Variants in GPC5 observed in about 807,000 individuals in gnomAD.
GPC5 encodes the protein glypican 5.
A neutral mutation model predicts 53.9 loss-of-function variants in GPC5; 47 were observed. That is an observed-to-expected ratio of 0.87 (90% CI 0.69 to 1.11). The LOEUF (loss-of-function observed/expected upper bound fraction) is 1.11. Among genes scored for constraint, GPC5 ranks in the 50% most tolerant of loss-of-function variants. GPC5 has a pLI of 0.00. For missense variants in GPC5, 748 were observed against 713.1 expected (o/e 1.05, Z -0.56); for synonymous variants, 286 against 263.3 (o/e 1.09, Z -0.84).
intron 7 of GPC5, among the ~76,000 whole-genome samples, chr13:92,613,610 TTTA>T (rs202105695): frequency 0.17 from 21,312 of 125,144 alleles, 2,179 homozygotes; most frequent in Non-Finnish European, 0.22. Context: ...TTATATTTAT[TTTA>T]TTATTTTATT....
chr13:92,378,414 C>G (rs2043712003), intron 7 of GPC5, among the ~76,000 whole-genome samples: 1 of 152,180 alleles, frequency 6.6e-6, no homozygotes, highest in African/African-American at 2.4e-5. Flanking sequence ...CTTAGCTTCT[C>G]TTAACCCATT....
intron 7 of GPC5, among the ~76,000 whole-genome samples, chr13:92,178,957 C>A (rs1447443768): frequency 6.6e-6 from 1 of 151,876 alleles, no homozygotes; most frequent in Non-Finnish European, 1.5e-5. Flanking sequence ...GGTGACAGAG[C>A]GGGACCCTGT....
At chr13:91,919,570 T>C (rs2139014604) in intron 6 of GPC5, among the ~76,000 whole-genome samples, 1 of 152,322 alleles carries the variant, frequency 6.6e-6, no homozygotes, top group East Asian at 1.9e-4. Flanking sequence ...AATTCAATTA[T>C]ATTCACAGAA....
intron 7 of GPC5, among the ~76,000 whole-genome samples, chr13:92,530,357 A>T (rs993612170): frequency 1.3e-5 from 2 of 152,166 alleles, no homozygotes; most frequent in African/African-American, 4.8e-5. Flanking sequence ...TCAAGGACAC[A>T]TGTAGTGCCA....
chr13:92,711,525 T>C (rs1247155422), intron 7 of GPC5, among the ~76,000 whole-genome samples: 1 of 152,114 alleles, frequency 6.6e-6, no homozygotes, highest in African/African-American at 2.4e-5. Context: ...TATCTCTGTC[T>C]CACTAATCGA....
At chr13:92,237,226 A>G (rs1407636832) in intron 7 of GPC5, among the ~76,000 whole-genome samples, 1 of 152,002 alleles carries the variant, frequency 6.6e-6, no homozygotes, top group Non-Finnish European at 1.5e-5. Context: ...TATTATTATG[A>G]TTATTGTTTT....
At chr13:92,300,069 T>C (rs752486745) in intron 7 of GPC5, among the ~76,000 whole-genome samples, 20 of 152,192 alleles carry the variant, frequency 1.3e-4, no homozygotes, top group Admixed American at 4.6e-4. Context: ...ACTATATTCC[T>C]TTTAGTTAGA....
intron 2 of GPC5, among the ~76,000 whole-genome samples, chr13:91,596,273 G>A (rs531617666): frequency 1.3e-5 from 2 of 152,248 alleles, no homozygotes; most frequent in African/African-American, 4.8e-5. Flanking sequence ...TATAGGCAGT[G>A]TGTAATTGAG....
chr13:91,438,640 C>T lies in GPC5; in HGVS notation c.164-10121C>T, dbSNP rs572896834. The stretch of plus-strand genomic sequence containing the variant: ...CACTTGAGGAGGCAGCCTGTCCATA[C>T]TCAGATCTCAAGCTGTGTGCTGGGA... On this transcript the variant is annotated intron_variant, in intron 1 of 7. Coordinates refer to ENST00000377067, the MANE Select transcript of GPC5 (RefSeq NM_004466.6). Among the ~76,000 whole-genome samples the T allele has an allele frequency of 2.0e-5, 3 of 152,328 alleles. No individual in the cohort carries two copies. In the East Asian group the frequency reaches 5.8e-4, roughly 29 times the overall value.
At chr13:92,132,816 C>A (rs2041755066) in intron 6 of GPC5, among the ~76,000 whole-genome samples, 10 of 151,928 alleles carry the variant, frequency 6.6e-5, no homozygotes, top group Admixed American at 6.6e-4. Context: ...ACATATAATT[C>A]AATTTTTAAA....
intron 7 of GPC5, among the ~76,000 whole-genome samples, chr13:92,490,624 A>G (rs1165846903): frequency 6.6e-6 from 1 of 152,162 alleles, no homozygotes; most frequent in Non-Finnish European, 1.5e-5. Context: ...TTAGGGTCAC[A>G]GTGACTAACG....
intron 7 of GPC5, among the ~76,000 whole-genome samples, chr13:92,723,701 C>G (rs867996149): frequency 4.0e-5 from 6 of 151,626 alleles, no homozygotes; most frequent in Non-Finnish European, 8.9e-5. Flanking sequence ...ACAGATAATG[C>G]ACCTTTGCTT....
intron 7 of GPC5, among the ~76,000 whole-genome samples, chr13:92,239,493 T>C (rs1316435355): frequency 6.6e-6 from 1 of 152,000 alleles, no homozygotes; most frequent in Non-Finnish European, 1.5e-5. Context: ...GTCATTTGGT[T>C]CCAATATATA....
intron 7 of GPC5, among the ~76,000 whole-genome samples, chr13:92,297,765 G>A (rs144684012): frequency 0.011 from 1,638 of 151,986 alleles, 27 homozygotes; most frequent in Middle Eastern, 0.055. Context: ...CAGGCTGCCC[G>A]AGCCAGCATT....
intron 6 of GPC5, among the ~76,000 whole-genome samples, chr13:92,109,348 G>A (rs965284354): frequency 6.6e-6 from 1 of 151,962 alleles, no homozygotes; most frequent in Admixed American, 6.6e-5. Context: ...ATTATAGGCA[G>A]AAGCAACTGT....
In GPC5 at chr13:92,339,002, A is replaced by G. The variant is rs147770392; in HGVS notation, c.1561+194013A>G. 8.1e-3 allele frequency among the ~76,000 whole-genome samples: 1,236 copies of G among 152,042 alleles called. 60 individuals carry two copies. Among genetic ancestry groups the G allele is most frequent in the Admixed American group, 0.067 (1,021 of 15,222 alleles). ...TGTGAAGGCAGGAGGTATGTGGGAA[A>G]TCTCTGTATCTTCCTCTCCATTTTT... is the stretch of plus-strand genomic sequence containing the variant. On this transcript the variant is annotated intron_variant, in intron 7 of 7. Transcript: ENST00000377067.
chr13:92,654,230 C>T (rs986240645), intron 7 of GPC5, among the ~76,000 whole-genome samples: 1 of 152,124 alleles, frequency 6.6e-6, no homozygotes, highest in Non-Finnish European at 1.5e-5. Flanking sequence ...AGGGGAGAGT[C>T]ACAGCTTCTA....
At chr13:91,689,902 T>C (rs929807241) in intron 2 of GPC5, among the ~76,000 whole-genome samples, 1 of 152,178 alleles carries the variant, frequency 6.6e-6, no homozygotes, top group Non-Finnish European at 1.5e-5. Flanking sequence ...AAACATAGTA[T>C]GGTAAACACC....
rs116594129 is a variant in GPC5 at position 92,479,512 on chromosome 13, A to G, written c.1561+334523A>G. On this transcript the variant is annotated intron_variant, in intron 7 of 7. Transcript: ENST00000377067. ...GAGAGAATTCAGGTGATGAAGTAGA[A>G]AATGCGACTATAGATGGCTCTAGAA... Among the ~76,000 whole-genome samples, 685 of 152,306 alleles carry G rather than the reference A, an allele frequency of 4.5e-3. 4 individuals are homozygous for G. The highest frequency in any genetic ancestry group is 0.016 in the African/African-American group (652 of 41,564).
Sources: allele counts gnomAD v4.1 joint callset (sites outside exome capture counted in the v4.1 genomes callset), GRCh38; gene constraint gnomAD v4.1.1; transcripts MANE v1.5; gene names NCBI Gene and HGNC (gene_info 2026-07-23, HGNC 2026-07-21).